Variants in KCNIP1 observed in about 807,000 individuals in gnomAD.
KCNIP1 encodes the protein A-type potassium channel modulatory protein KCNIP1.
A neutral mutation model predicts 33.0 loss-of-function variants in KCNIP1; 18 were observed. The observed-to-expected ratio is 0.55, with a 90% CI of 0.38 to 0.81. The LOEUF (loss-of-function observed/expected upper bound fraction) is 0.81. Ranked by LOEUF, KCNIP1 falls within the 30% of genes least tolerant of loss-of-function variation. The pLI is 0.00. For synonymous variants in KCNIP1, 93 were observed against 98.3 expected (o/e 0.95, Z 0.32); for missense variants, 238 against 271.6 (o/e 0.88, Z 0.87).
chr5:170,573,305 C>G (rs1179685212), intron 1 of KCNIP1, among the ~76,000 whole-genome samples: 1 of 152,162 alleles, frequency 6.6e-6, no homozygotes, highest in Non-Finnish European at 1.5e-5. Flanking sequence ...AATCTGCCCT[C>G]TGAAATTCGA....
intron 1 of KCNIP1, among the ~76,000 whole-genome samples, chr5:170,603,519 CAA>C (rs1037764638): frequency 1.3e-5 from 2 of 152,092 alleles, no homozygotes; most frequent in East Asian, 1.9e-4. Context: ...GCACAGAGCT[CAA>C]AGAGACAGAG....
intron 1 of KCNIP1, among the ~76,000 whole-genome samples, chr5:170,542,208 G>A (rs112044101): frequency 8.7e-4 from 132 of 152,266 alleles, no homozygotes; most frequent in African/African-American, 2.8e-3. Context: ...GTGGCAGGCC[G>A]CGTCGTGACC....
At chr5:170,712,684 T>C (rs375133831) in intron 1 of KCNIP1, among the ~76,000 whole-genome samples, 1 of 152,248 alleles carries the variant, frequency 6.6e-6, no homozygotes, top group Non-Finnish European at 1.5e-5. Context: ...GTTCTGACCA[T>C]GGGAAAAGGA....
chr5:170,696,020 A>C lies in KCNIP1; in HGVS notation c.62-22738A>C, dbSNP rs2113825629. On this transcript the variant is annotated intron_variant, in intron 1 of 7. Transcript: ENST00000328939. ...GGACAGAGCAAGACTCTGTCTCAAAAAAAAAAAAAAAAGCCAGGCTTTTTC... is the reference window on the plus strand; with the variant it reads ...GGACAGAGCAAGACTCTGTCTCAAACAAAAAAAAAAAAGCCAGGCTTTTTC... Among the ~76,000 whole-genome samples the C allele has an allele frequency of 4.0e-5, 6 of 151,598 alleles. No individual in the cohort carries two copies. The South Asian group carries it at 1.3e-3, about 32-fold the overall frequency.
chr5:170,398,615 T>C (rs1224730012), intron 1 of KCNIP1, among the ~76,000 whole-genome samples: 1 of 152,240 alleles, frequency 6.6e-6, no homozygotes, highest in African/African-American at 2.4e-5. Context: ...TTGTCCCAAA[T>C]TGTGATCAGG....
chr5:170,544,289 AT>A (rs1176800876), intron 1 of KCNIP1, among the ~76,000 whole-genome samples: 1 of 152,122 alleles, frequency 6.6e-6, no homozygotes, highest in Non-Finnish European at 1.5e-5. Flanking sequence ...ACTGACAAGA[AT>A]TTCTAAAGTA....
Position 170,504,738 on chromosome 5 carries a change from G to A in KCNIP1, c.61+105G>A. The A allele has an allele frequency of 7.6e-6, 7 of 923,460 alleles. No homozygotes were observed. Among genetic ancestry groups the A allele is most frequent in the Non-Finnish European group, 8.8e-6 (5 of 566,808 alleles). 57.2% of individuals were successfully genotyped at this position (923,460 alleles called of 1,614,324 possible). ...CCTTAGTCCGGACTCTCCTCTCCAC[G>A]AGGAGCCCGGACAGGTGCTTGTATC... On this transcript the variant is annotated intron_variant, in intron 1 of 7. Coordinates refer to ENST00000328939, the MANE Select transcript of KCNIP1 (RefSeq NM_014592.4). This position sits in a 1 kb window ranked among gnomAD's most constrained non-coding sequence, Gnocchi z 6.0.
chr5:170,613,184 C>T (rs1175748636), intron 1 of KCNIP1, among the ~76,000 whole-genome samples: 1 of 152,222 alleles, frequency 6.6e-6, no homozygotes, highest in Non-Finnish European at 1.5e-5. Context: ...TTGGCCTTCT[C>T]TGCCTCTTGC....
chr5:170,515,377 A>G (rs146414869), intron 1 of KCNIP1, among the ~76,000 whole-genome samples: 69 of 152,190 alleles, frequency 4.5e-4, no homozygotes, highest in African/African-American at 1.6e-3. Context: ...TGACCACTCT[A>G]TACGTTGGTC....
At chr5:170,630,930 G>C (rs1760030173) in intron 1 of KCNIP1, among the ~76,000 whole-genome samples, 1 of 152,170 alleles carries the variant, frequency 6.6e-6, no homozygotes, top group Non-Finnish European at 1.5e-5. Context: ...TCCTTCCCCA[G>C]TCACACCAGG....
intron 4 of KCNIP1, 52 bp from the exon 5 acceptor site, chr5:170,722,661 C>T (rs925228654): frequency 3.2e-6 from 4 of 1,245,324 alleles, no homozygotes; most frequent in Non-Finnish European, 4.7e-6. Context: ...CACAGCTTCA[C>T]ACTGTCTGAT....
intron 1 of KCNIP1, among the ~76,000 whole-genome samples, chr5:170,518,448 T>G (rs1422426579): frequency 1.3e-5 from 2 of 152,224 alleles, no homozygotes; most frequent in Non-Finnish European, 2.9e-5. Flanking sequence ...TCTTGACATT[T>G]GCATTCCAGC....
At chr5:170,494,905 T>C (rs6878302) in intron 1 of KCNIP1, among the ~76,000 whole-genome samples, 74,453 of 152,120 alleles carry the variant, frequency 0.49, 19,970 homozygotes, top group African/African-American at 0.7. Context: ...AATTACACCA[T>C]GCCTCTGAAC....
intron 1 of KCNIP1, among the ~76,000 whole-genome samples, chr5:170,423,516 G>A (rs1311808684): frequency 6.6e-6 from 1 of 152,138 alleles, no homozygotes; most frequent in Non-Finnish European, 1.5e-5. Context: ...AAGTCATATT[G>A]TCTTTAGAGG....
At chr5:170,424,570 C>G (rs1298940644) in intron 1 of KCNIP1, among the ~76,000 whole-genome samples, 3 of 152,090 alleles carry the variant, frequency 2.0e-5, no homozygotes, top group Non-Finnish European at 4.4e-5. Flanking sequence ...TCGGCTGGGG[C>G]TAGGGGTGGG....
intron 1 of KCNIP1, among the ~76,000 whole-genome samples, chr5:170,416,229 T>C (rs929786893): frequency 2.0e-5 from 3 of 152,134 alleles, no homozygotes; most frequent in South Asian, 2.1e-4. Context: ...AGAGCTGGTG[T>C]GGCCCCCAAG....
intron 1 of KCNIP1, among the ~76,000 whole-genome samples, chr5:170,630,987 C>T (rs1363963216): frequency 6.6e-6 from 1 of 152,136 alleles, no homozygotes; most frequent in Non-Finnish European, 1.5e-5. Flanking sequence ...GTGGAGGGAA[C>T]ACTAGGTTAG....
intron 1 of KCNIP1, among the ~76,000 whole-genome samples, chr5:170,683,494 G>A (rs1762430405): frequency 6.6e-6 from 1 of 152,066 alleles, no homozygotes; most frequent in African/African-American, 2.4e-5. Context: ...ACCACACATA[G>A]GCTCTTATGC....
intron 1 of KCNIP1, among the ~76,000 whole-genome samples, chr5:170,546,684 T>C (rs1756419960): frequency 6.6e-6 from 1 of 152,306 alleles, no homozygotes; most frequent in Middle Eastern, 3.4e-3. Flanking sequence ...CTTTTCTTTT[T>C]TTTTCTTAAT....
Sources: gnomAD v4.1 joint callset for allele counts (sites outside exome capture counted in the v4.1 genomes callset) on GRCh38, gnomAD v4.1.1 for gene constraint, Gnocchi (gnomAD v3.1) non-coding constraint, MANE v1.5 for transcripts, NCBI Gene and HGNC (gene_info 2026-07-23, HGNC 2026-07-21) for gene names.